The following DSCAM variants were observed in gnomAD, a reference collection of about 807,000 sequenced individuals.
DSCAM encodes DS cell adhesion molecule.
A neutral mutation model predicts 217.7 loss-of-function variants in DSCAM; 47 were observed. The observed-to-expected ratio is 0.22, with a 90% confidence interval of 0.17 to 0.28. DSCAM has a LOEUF of 0.28. Ranked by LOEUF, DSCAM falls within the 10% of genes least tolerant of loss-of-function variation. The pLI, the probability that DSCAM is intolerant of heterozygous loss-of-function variation, is 1.00. For missense variants in DSCAM, 2,080 were observed against 2,618.3 expected, an observed-to-expected ratio of 0.79 and a Z score of 4.49; for synonymous variants, 1,056 against 1,015.3, an observed-to-expected ratio of 1.04 and a Z score of -0.76.
In DSCAM at chr21:40,024,585, C is replaced by T. The variant is rs1228557223; in HGVS notation, c.5687-11199G>A. On this transcript the variant is annotated intron_variant, in intron 32 of 32. Transcript: ENST00000400454. ...TAGTTCTCCTTGAAGAGGTCCTTCA[C>T]ATCCCTTGTAAGTTGGATTCCTAGG... Among the ~76,000 whole-genome samples the T allele has an allele frequency of 3.4e-4, 24 of 70,558 alleles. 8 individuals are homozygous for T. Among genetic ancestry groups the T allele is most frequent in the Non-Finnish European group, 5.7e-4 (19 of 33,486 alleles). The allele number at this position is 70,558 out of a possible 152,430, so 46.3% of individuals were successfully genotyped here. A position where few individuals can be genotyped will look rare whatever the true frequency, so the allele number is the denominator to read the frequency against.
chr21:40,457,674 GA>G (rs2075774921), intron 3 of DSCAM, among the ~76,000 whole-genome samples: 1 of 151,968 alleles, frequency 6.6e-6, no homozygotes, highest in South Asian at 2.1e-4. Flanking sequence ...AAAAAGAGGG[GA>G]AAATGCAAAA....
intron 3 of DSCAM, among the ~76,000 whole-genome samples, chr21:40,588,192 G>T (rs755570851): frequency 6.6e-6 from 1 of 152,146 alleles, no homozygotes; most frequent in Non-Finnish European, 1.5e-5. Context: ...GGATCTACCT[G>T]ACTCCAAAGA....
At chr21:40,467,930 CAAAAA>C (rs56379350) in intron 3 of DSCAM, among the ~76,000 whole-genome samples, 2 of 84,426 alleles carry the variant, frequency 2.4e-5, no homozygotes, top group East Asian at 3.9e-4. Context: ...AAAGATTAAC[CAAAAA>C]AAAAAAAAAA....
chr21:40,411,711 A>T (rs1165679250), intron 3 of DSCAM, among the ~76,000 whole-genome samples: 6 of 152,188 alleles, frequency 3.9e-5, no homozygotes, highest in Non-Finnish European at 1.5e-5. Context: ...GAGAAGACAC[A>T]CATTACCAAT....
intron 1 of DSCAM, among the ~76,000 whole-genome samples, chr21:40,736,135 A>T (rs2091061031): frequency 6.6e-6 from 1 of 152,232 alleles, no homozygotes; most frequent in Non-Finnish European, 1.5e-5. Context: ...TAACTCAGAA[A>T]TAGCCAAATG....
chr21:40,192,396 G>A (rs2090961139), intron 11 of DSCAM, among the ~76,000 whole-genome samples: 1 of 152,158 alleles, frequency 6.6e-6, no homozygotes, highest in East Asian at 1.9e-4. Flanking sequence ...TAGTGAGTGA[G>A]GTCTCACAAG....
At chr21:40,178,115 C>T (rs1022387263) in intron 15 of DSCAM, among the ~76,000 whole-genome samples, 3 of 152,194 alleles carry the variant, frequency 2.0e-5, no homozygotes, top group African/African-American at 4.8e-5. Context: ...TCCTCTCCTC[C>T]TGCCAGGAGG....
intron 23 of DSCAM, among the ~76,000 whole-genome samples, chr21:40,084,265 C>A (rs1412856811): frequency 6.6e-6 from 1 of 152,154 alleles, no homozygotes; most frequent in South Asian, 2.1e-4. Context: ...CATTTCCTCA[C>A]CAGTTCCTTG....
At position 40,347,740 on chromosome 21, in the gene DSCAM, C is replaced by G. The variant is rs1010661009; in HGVS notation, c.1140G>C (p.Gly380=). 3.1e-6 allele frequency: 5 copies of G among 1,614,164 alleles called. No individual in the cohort carries two copies. Among genetic ancestry groups the G allele is most frequent in the Non-Finnish European group, 4.2e-6 (5 of 1,180,020 alleles). ...LIMDHMVKSD[G]GAYQCFVRKD... The stretch of plus-strand genomic sequence containing the variant: ...TGCGCACAAAGCACTGGTATGCGCC[C>G]CCGTCACTTTTGACCATGTGATCCA... Residue 380 remains glycine, a synonymous_variant, in exon 6 of 33, where the codon GGG becomes GGC. Transcript: ENST00000400454.
At chr21:40,263,448 C>A (rs1269328430) in intron 11 of DSCAM, among the ~76,000 whole-genome samples, 1 of 152,102 alleles carries the variant, frequency 6.6e-6, no homozygotes, top group Non-Finnish European at 1.5e-5. Flanking sequence ...AAGCAATCTA[C>A]CTCTGAATGA....
At chr21:40,824,439 C>T (rs1199070021) in intron 1 of DSCAM, among the ~76,000 whole-genome samples, 3 of 132,232 alleles carry the variant, frequency 2.3e-5, no homozygotes, top group African/African-American at 9.6e-5. Context: ...AAGCTGGCCT[C>T]ACTTCTGTCA....
chr21:40,175,770 AACACACACATACACACAC>A lies in DSCAM; in HGVS notation c.2947+3139_2947+3156del, dbSNP rs1400278096. On this transcript the variant is annotated intron_variant, in intron 15 of 32. Coordinates refer to ENST00000400454, the MANE Select transcript of DSCAM (RefSeq NM_001389.5). ...GGTTTAATCCAGCATATATTTTCTC[AACACACACATACACACAC>A]ACACACACACACACACACACGCACA... Among the ~76,000 whole-genome samples, 1,264 of 126,430 alleles carry A rather than the reference AACACACACATACACACAC, an allele frequency of 1.0e-2. 10 individuals are homozygous for A. Among genetic ancestry groups the A allele is most frequent in the African/African-American group, 0.024 (756 of 31,628 alleles). 82.9% of individuals were successfully genotyped at this position (126,430 alleles called of 152,430 possible).
In DSCAM at chr21:40,136,151, G is replaced by A. The variant is rs148316503; in HGVS notation, c.3407-2142C>T. ...TTGGAAATCTCAACGGAGGGCTTAC[G>A]AAAATGAGGAGACTGTGTGAGCATG... On this transcript the variant is annotated intron_variant, in intron 18 of 32. Transcript: ENST00000400454. 6.6e-5 allele frequency among the ~76,000 whole-genome samples: 10 copies of A among 152,312 alleles called. No individual in the cohort carries two copies. The East Asian group carries it at 1.2e-3, about 18-fold the overall frequency.
intron 11 of DSCAM, among the ~76,000 whole-genome samples, chr21:40,260,770 G>A (rs193000414): frequency 6.6e-6 from 1 of 152,282 alleles, no homozygotes; most frequent in Admixed American, 6.5e-5. Flanking sequence ...CTTATGTGTA[G>A]CTTCTCTTCT....
At chr21:40,509,117 G>GT (rs565238445) in intron 3 of DSCAM, among the ~76,000 whole-genome samples, 214 of 152,048 alleles carry the variant, frequency 1.4e-3, no homozygotes, top group African/African-American at 5.1e-3. Flanking sequence ...TGTGCAGTTG[G>GT]TTTTTTTCTC....
chr21:40,830,884 C>T (rs2837841), intron 1 of DSCAM, among the ~76,000 whole-genome samples: 110,737 of 152,142 alleles, frequency 0.73, 40,486 homozygotes, highest in African/African-American at 0.78. Context: ...GCTTAGGCCA[C>T]AGACAAGAAG....
At chr21:40,557,509 C>T (rs1257496258) in intron 3 of DSCAM, among the ~76,000 whole-genome samples, 3 of 152,040 alleles carry the variant, frequency 2.0e-5, no homozygotes, top group Admixed American at 6.6e-5. Flanking sequence ...CGCCCAACAC[C>T]GGGCCCGGCT....
In DSCAM at chr21:40,528,898, C is replaced by CTT. The variant is rs911356584; in HGVS notation, c.509-159655_509-159654dup. Among the ~76,000 whole-genome samples, 669 of 99,330 alleles carry CTT rather than the reference C, an allele frequency of 6.7e-3. 36 individuals carry two copies. Among genetic ancestry groups the CTT allele is most frequent in the African/African-American group, 0.015 (309 of 20,540 alleles). 65.2% of individuals were successfully genotyped at this position (99,330 alleles called of 152,430 possible). A position where few individuals can be genotyped will look rare whatever the true frequency, so the allele number is the denominator to read the frequency against. The stretch of plus-strand genomic sequence containing the variant: ...TCTTTGGCAATGTCCAGGCTTTCCA[C>CTT]TTTTTTTTTTTTTTTTTTTTTTTGA... On this transcript the variant is annotated intron_variant, in intron 3 of 32. Coordinates refer to ENST00000400454, the MANE Select transcript of DSCAM (RefSeq NM_001389.5).
intron 3 of DSCAM, among the ~76,000 whole-genome samples, chr21:40,464,103 A>G (rs2075825910): frequency 6.6e-6 from 1 of 152,154 alleles, no homozygotes; most frequent in African/African-American, 2.4e-5. Context: ...TACCATCCAC[A>G]TATGAATTTC....
Sources: allele counts gnomAD v4.1 joint callset (sites outside exome capture counted in the v4.1 genomes callset), GRCh38; gene constraint gnomAD v4.1.1; transcripts MANE v1.5; gene names NCBI Gene and HGNC (gene_info 2026-07-23, HGNC 2026-07-21).